ARHGAP20: variants seen among roughly 807,000 people sequenced by gnomAD.
ARHGAP20 encodes rho GTPase-activating protein 20.
In ARHGAP20, 34 loss-of-function variants were observed where a neutral mutation model predicts 73.7. The observed-to-expected ratio is 0.46, with a 90% CI of 0.35 to 0.61. The LOEUF (loss-of-function observed/expected upper bound fraction) is 0.61. Among genes scored for constraint, ARHGAP20 ranks in the 20% least tolerant of loss-of-function variants. The probability of loss-of-function intolerance (pLI) is 0.00; values close to 1 mark genes in which losing one functional copy is unlikely to be tolerated. For synonymous variants in ARHGAP20, 523 were observed against 518.2 expected, an observed-to-expected ratio of 1.01 and a Z score of -0.13; for missense variants, 1,314 against 1,420.9, an observed-to-expected ratio of 0.92 and a Z score of 1.21.
intron 2 of ARHGAP20, among the ~76,000 whole-genome samples, chr11:110,681,997 A>G (rs1372171870): frequency 1.3e-5 from 2 of 152,222 alleles, no homozygotes; most frequent in African/African-American, 2.4e-5. Flanking sequence ...CATTCTAGGC[A>G]TACTGAGAAC....
intron 2 of ARHGAP20, among the ~76,000 whole-genome samples, chr11:110,633,054 C>A (rs1208141404): frequency 2.0e-5 from 3 of 152,078 alleles, no homozygotes; most frequent in African/African-American, 7.2e-5. Context: ...TCCACCTATC[C>A]CCTACTCATC....
chr11:110,611,851 T>C (rs562378174), intron 6 of ARHGAP20, among the ~76,000 whole-genome samples: 1 of 152,326 alleles, frequency 6.6e-6, no homozygotes, highest in South Asian at 2.1e-4. Flanking sequence ...AAAGTCAGGT[T>C]AGGTAAAATC....
intron 9 of ARHGAP20, among the ~76,000 whole-genome samples, chr11:110,592,588 A>G (rs1478689648): frequency 6.6e-6 from 1 of 152,202 alleles, no homozygotes; most frequent in East Asian, 1.9e-4. Context: ...AGAAAGTGTG[A>G]AGAGGGAAAG....
intron 9 of ARHGAP20, among the ~76,000 whole-genome samples, chr11:110,596,804 G>A (rs1456516062): frequency 6.6e-6 from 1 of 152,078 alleles, no homozygotes; most frequent in Non-Finnish European, 1.5e-5. Context: ...TATACCCAAA[G>A]GATTATAAAT....
intron 8 of ARHGAP20, among the ~76,000 whole-genome samples, chr11:110,607,546 T>C (rs376665182): frequency 2.0e-5 from 3 of 152,144 alleles, no homozygotes; most frequent in Admixed American, 1.3e-4. Flanking sequence ...AGAGAGCAAG[T>C]TCCCTTCTAT....
chr11:110,701,188 T>C, intron 1 of ARHGAP20, among the ~76,000 whole-genome samples: 1 of 151,500 alleles, frequency 6.6e-6, no homozygotes. Context: ...ATGGTTGAAC[T>C]AGTTTACAGT....
At chr11:110,700,461 T>C (rs1950421516) in intron 1 of ARHGAP20, among the ~76,000 whole-genome samples, 1 of 152,184 alleles carries the variant, frequency 6.6e-6, no homozygotes, top group Non-Finnish European at 1.5e-5. Context: ...AAAGTATTTC[T>C]TGTCTTCCCT....
chr11:110,585,138 T>C (rs542556833), intron 12 of ARHGAP20, among the ~76,000 whole-genome samples: 11 of 151,762 alleles, frequency 7.2e-5, no homozygotes, highest in African/African-American at 2.7e-4. Context: ...TGTGAATGTA[T>C]ATATGAATAT....
At chr11:110,599,006 T>C (rs1392158805) in intron 9 of ARHGAP20, among the ~76,000 whole-genome samples, 1 of 151,948 alleles carries the variant, frequency 6.6e-6, no homozygotes, top group African/African-American at 2.4e-5. Flanking sequence ...GTCCAAGTCA[T>C]GGCTATAGAC....
At position 110,579,643 on chromosome 11, in the gene ARHGAP20, C is replaced by G; in HGVS notation, c.3303G>C (p.Leu1101=). 1.2e-6 allele frequency: 2 copies of G among 1,614,234 alleles called. No homozygotes were observed. Among genetic ancestry groups the G allele is most frequent in the Non-Finnish European group, 1.7e-6 (2 of 1,180,046 alleles). ...KDLPLRAAEG[L]SPVQSAQRCS... ...ACCTTTGGGCTGACTGCACAGGGGA[C>G]AGTCCTTCAGCTGCCCTTAAGGGCA... is the stretch of plus-strand genomic sequence containing the variant. Residue 1101 remains leucine (L), a synonymous_variant, in exon 15 of 15, where the codon CTG becomes CTC. Transcript: ENST00000683387.
intron 2 of ARHGAP20, among the ~76,000 whole-genome samples, chr11:110,687,036 A>AT (rs1491540017): frequency 1.2e-5 from 1 of 84,776 alleles, no homozygotes; most frequent in Non-Finnish European, 2.3e-5. Context: ...AGATTAAAAC[A>AT]TATATATATA....
chr11:110,646,634 T>G (rs1384189501), intron 2 of ARHGAP20, among the ~76,000 whole-genome samples: 1 of 152,092 alleles, frequency 6.6e-6, no homozygotes, highest in African/African-American at 2.4e-5. Context: ...CAGTGTATGG[T>G]TTTTCTATAT....
chr11:110,699,373 T>A (rs1355292797), intron 1 of ARHGAP20, among the ~76,000 whole-genome samples: 2 of 151,968 alleles, frequency 1.3e-5, no homozygotes, highest in Non-Finnish European at 2.9e-5. Context: ...CAAGAATGTA[T>A]ATTCTGTGGT....
chr11:110,601,145 C>T (rs1252569682), intron 9 of ARHGAP20, among the ~76,000 whole-genome samples: 1 of 152,146 alleles, frequency 6.6e-6, no homozygotes, highest in African/African-American at 2.4e-5. Context: ...AGAGACCATG[C>T]AAAATACCCA....
intron 3 of ARHGAP20, among the ~76,000 whole-genome samples, chr11:110,625,456 C>G (rs560547903): frequency 6.6e-6 from 1 of 152,084 alleles, no homozygotes; most frequent in Non-Finnish European, 1.5e-5. Flanking sequence ...GATTTTCTAG[C>G]CTTTAGAAGC....
rs927555137 is a variant in ARHGAP20 at position 110,578,793 on chromosome 11, G to C, written c.*577C>G. ...TCCACTCTAGCTGTAGCAATGGGCT[G>C]GTTCTTGGAATGATTCTGTAAGGAC... On this transcript the variant is annotated 3_prime_UTR_variant, in exon 15 of 15. Transcript: ENST00000683387. The C allele has an allele frequency of 1.9e-5, 19 of 985,564 alleles. No individual in the cohort carries two copies. The highest frequency in any genetic ancestry group is 9.4e-5 in the South Asian group (2 of 21,290). The allele number at this position is 985,564 out of a possible 1,614,324, so 61.1% of individuals were successfully genotyped here. A position where few individuals can be genotyped will look rare whatever the true frequency, so the allele number is the denominator to read the frequency against.
At chr11:110,660,068 A>AAAAAAACAAAC (rs1420972963) in intron 2 of ARHGAP20, among the ~76,000 whole-genome samples, 30 of 150,976 alleles carry the variant, frequency 2.0e-4, no homozygotes, top group South Asian at 1.3e-3. Flanking sequence ...AAACAAAAAA[A>AAAAAAACAAAC]AAAAAAAAAA....
At chr11:110,584,464 T>C (rs973633421) in intron 12 of ARHGAP20, among the ~76,000 whole-genome samples, 2 of 151,982 alleles carry the variant, frequency 1.3e-5, no homozygotes, top group Non-Finnish European at 2.9e-5. Context: ...GAAAAGATGA[T>C]AGTCTGACTG....
At chr11:110,706,211 T>C (rs1301378880) in intron 1 of ARHGAP20, among the ~76,000 whole-genome samples, 5 of 152,148 alleles carry the variant, frequency 3.3e-5, no homozygotes, top group Non-Finnish European at 1.5e-5. Flanking sequence ...TATCTTATGT[T>C]ACAAACAATA....
Sources: allele counts gnomAD v4.1 joint callset (sites outside exome capture counted in the v4.1 genomes callset), GRCh38; gene constraint gnomAD v4.1.1; transcripts MANE v1.5; gene names NCBI Gene and HGNC (gene_info 2026-07-23, HGNC 2026-07-21).